The following ZFYVE28 variants were observed in gnomAD, a reference collection of about 807,000 sequenced individuals.
The protein encoded by ZFYVE28 is zinc finger FYVE-type containing 28, also known as lateral signaling target protein 2 homolog.
In ZFYVE28, 40 loss-of-function variants were observed where a neutral mutation model predicts 82.1. The ratio of observed to expected loss-of-function variants is 0.49; its 90% CI spans 0.38 to 0.63. The LOEUF is 0.63. Among genes scored for constraint, ZFYVE28 ranks in the 30% least tolerant of loss-of-function variants. ZFYVE28 has a pLI of 0.00. For missense variants in ZFYVE28, 1,321 were observed against 1,242.1 expected (o/e 1.06, Z -0.96); for synonymous variants, 612 against 546.1 (o/e 1.12, Z -1.68).
chr4:2,310,769 A>T (rs1410394180), intron 7 of ZFYVE28, among the ~76,000 whole-genome samples: 1 of 152,198 alleles, frequency 6.6e-6, no homozygotes. Context: ...GTGCCACCAC[A>T]CTCCAGCCTG....
At position 2,387,822 on chromosome 4, in the gene ZFYVE28, A is replaced by G. The variant is rs1729431343; in HGVS notation, c.39+30463T>C. 2.6e-5 allele frequency among the ~76,000 whole-genome samples: 4 copies of G among 152,246 alleles called. No individual in the cohort carries two copies. The South Asian group carries it at 8.3e-4, about 32-fold the overall frequency. On this transcript the variant is annotated intron_variant, in intron 1 of 12. Transcript: ENST00000290974. ...CCTGGCTCCCTTATCACCTCCAGAA[A>G]GAACTACCCGATAAGGAATTGGGAA...
chr4:2,405,684 G>A (rs1386816356), intron 1 of ZFYVE28, among the ~76,000 whole-genome samples: 1 of 152,252 alleles, frequency 6.6e-6, no homozygotes, highest in African/African-American at 2.4e-5. Context: ...TCAGGAAGGA[G>A]CCAGGTGAGG....
Position 2,394,096 on chromosome 4 carries a change from C to A in ZFYVE28, c.39+24189G>T, listed in dbSNP as rs1003325199. 8.5e-5 allele frequency among the ~76,000 whole-genome samples: 13 copies of A among 152,204 alleles called. 1 individual carries two copies. The highest frequency in any genetic ancestry group is 2.4e-4 in the African/African-American group (10 of 41,448). ...CAGAGCCAGCGGCATTGCACGTCTA[C>A]AGCCTTCTTCCCAGGCCCAGCTCCT... On this transcript the variant is annotated intron_variant, in intron 1 of 12. Transcript: ENST00000290974. This position sits in a 1 kb window ranked among gnomAD's most constrained non-coding sequence, Gnocchi z 4.0.
chr4:2,402,071 G>A (rs1731244175), intron 1 of ZFYVE28, among the ~76,000 whole-genome samples: 1 of 152,200 alleles, frequency 6.6e-6, no homozygotes, highest in Non-Finnish European at 1.5e-5. Context: ...GCCGGCTGTG[G>A]AGGGACAGTG....
chr4:2,296,292 A>G lies in ZFYVE28; in HGVS notation c.2051+7997T>C, dbSNP rs1577948697. Among the ~76,000 whole-genome samples the G allele has an allele frequency of 2.0e-5, 3 of 152,258 alleles. No individual in the cohort carries two copies. In the South Asian group the frequency reaches 6.2e-4, roughly 32 times the overall value. The stretch of plus-strand genomic sequence containing the variant: ...CACTGTCCCTTGTGGGGTTCTGGTG[A>G]CACAGGCATCACCGAGCTTGCTAAG... On this transcript the variant is annotated intron_variant, in intron 8 of 12. Transcript: ENST00000290974.
At chr4:2,365,042 G>A (rs960928431) in intron 1 of ZFYVE28, among the ~76,000 whole-genome samples, 8 of 151,954 alleles carry the variant, frequency 5.3e-5, no homozygotes, top group Non-Finnish European at 1.2e-4. Flanking sequence ...GGGAGGTGGA[G>A]GGGGGCGGTC....
At chr4:2,370,565 G>A (rs1043921647) in intron 1 of ZFYVE28, among the ~76,000 whole-genome samples, 3 of 152,214 alleles carry the variant, frequency 2.0e-5, no homozygotes, top group Non-Finnish European at 4.4e-5. Context: ...CGGCAGGACA[G>A]AGGTAGCCCT....
chr4:2,311,223 T>C (rs1578030231), intron 7 of ZFYVE28, among the ~76,000 whole-genome samples: 1 of 152,298 alleles, frequency 6.6e-6, no homozygotes, highest in East Asian at 1.9e-4. Flanking sequence ...TTATTAATCT[T>C]TTAAAATAAC....
At chr4:2,393,345 G>C (rs1730039006) in intron 1 of ZFYVE28, among the ~76,000 whole-genome samples, 1 of 152,244 alleles carries the variant, frequency 6.6e-6, no homozygotes, top group Non-Finnish European at 1.5e-5. Context: ...TAAAACTCCT[G>C]GGCTGGGAAT....
intron 1 of ZFYVE28, among the ~76,000 whole-genome samples, chr4:2,382,130 C>T (rs1285768754): frequency 2.6e-5 from 4 of 152,260 alleles, no homozygotes; most frequent in African/African-American, 9.6e-5. Flanking sequence ...TGCATGGAAA[C>T]ACCTGGATCC....
intron 7 of ZFYVE28, among the ~76,000 whole-genome samples, chr4:2,319,538 T>A (rs1357311694): frequency 6.6e-6 from 1 of 152,022 alleles, no homozygotes; most frequent in Admixed American, 6.5e-5. Context: ...TGGTAGGAAA[T>A]ACCAAGCTGT....
chr4:2,287,649 C>T (rs916025195), intron 8 of ZFYVE28: 4 of 152,276 alleles, frequency 2.6e-5, no homozygotes, highest in African/African-American at 9.6e-5. Flanking sequence ...TCACAGATTT[C>T]CAGGACGTCT....
chr4:2,291,446 G>C (rs1713684751), intron 8 of ZFYVE28, among the ~76,000 whole-genome samples: 2 of 152,186 alleles, frequency 1.3e-5, no homozygotes, highest in Admixed American at 6.5e-5. Flanking sequence ...TCCCCGAGGA[G>C]GGGCCAATGC....
chr4:2,374,630 AAGAAGG>A (rs562643550), intron 1 of ZFYVE28, among the ~76,000 whole-genome samples: 4 of 148,762 alleles, frequency 2.7e-5, no homozygotes, highest in Non-Finnish European at 6.1e-5. Flanking sequence ...AGAAAAGAAG[AAGAAGG>A]AGAAGGAGAA....
At position 2,365,010 on chromosome 4, in the gene ZFYVE28, C is replaced by G. The variant is rs571483089; in HGVS notation, c.40-10937G>C. On this transcript the variant is annotated intron_variant, in intron 1 of 12. Transcript: ENST00000290974. ...CGGGGGTCACTCCCTAGGCGTCAGG[C>G]CCCGCACGCGGAAGTGGGGGAGGGA... is the stretch of plus-strand genomic sequence containing the variant. 2.2e-3 allele frequency: 1,300 copies of G among 595,236 alleles called. 13 individuals are homozygous for G. In the African/African-American group the frequency reaches 0.024, roughly 11 times the overall value. The allele number at this position is 595,236 out of a possible 1,614,324, so 36.9% of individuals were successfully genotyped here.
chr4:2,327,086 C>CTTTTT (rs1719942977), intron 6 of ZFYVE28, among the ~76,000 whole-genome samples: 1 of 151,374 alleles, frequency 6.6e-6, no homozygotes, highest in Non-Finnish European at 1.5e-5. Context: ...CCTGTCTCTA[C>CTTTTT]TAAAAATACA....
intron 8 of ZFYVE28, among the ~76,000 whole-genome samples, chr4:2,283,752 AGGGTGTTGTTGT>A (rs1350821489): frequency 1.3e-5 from 2 of 152,216 alleles, no homozygotes; most frequent in African/African-American, 2.4e-5. Context: ...GGAACCATCA[AGGGTGTTGTTGT>A]GGGAGGTCAG....
chr4:2,384,378 GGAGTGAACAA>G (rs1729036330), intron 1 of ZFYVE28, among the ~76,000 whole-genome samples: 1 of 152,234 alleles, frequency 6.6e-6, no homozygotes, highest in Admixed American at 6.5e-5. Context: ...ACCCGCCAAG[GGAGTGAACAA>G]GTGCTCAGGG....
chr4:2,304,317 C>G lies in ZFYVE28; in HGVS notation c.2023G>C (p.Glu675Gln), dbSNP rs556625985. The G allele has an allele frequency of 1.3e-6, 2 of 1,597,190 alleles. No individual in the cohort carries two copies. ...ELHAGSPSAHEAPQALSGSSS... is the reference protein window; with the variant it reads ...ELHAGSPSAHQAPQALSGSSS... The stretch of plus-strand genomic sequence containing the variant: ...GAGCCCGACAGGGCCTGAGGCGCCT[C>G]GTGAGCCGAGGGGCTCCCAGCATGC... Residue 675 changes from glutamate to glutamine, a missense_variant, in exon 8 of 13, where the codon GAG becomes CAG. Transcript: ENST00000290974.
Sources: allele counts gnomAD v4.1 joint callset (sites outside exome capture counted in the v4.1 genomes callset), GRCh38; gene constraint gnomAD v4.1.1; non-coding constraint Gnocchi (gnomAD v3.1); transcripts MANE v1.5; gene names NCBI Gene and HGNC (gene_info 2026-07-23, HGNC 2026-07-21).